Variants in CCDC171 observed in about 807,000 individuals in gnomAD.
CCDC171 encodes the protein coiled-coil domain containing 171.
In CCDC171, 177 loss-of-function variants were observed where a neutral mutation model predicts 168.2. The ratio of observed to expected loss-of-function variants is 1.05; its 90% CI spans 0.93 to 1.19. The LOEUF is 1.19. CCDC171 is among the 50% of genes most tolerant of loss of function. The pLI, the probability that CCDC171 is intolerant of heterozygous loss-of-function variation, is 0.00. For missense variants in CCDC171, 1,991 were observed against 1,539.0 expected (o/e 1.29, Z -4.91); for synonymous variants, 687 against 540.8 (o/e 1.27, Z -3.75).
chr9:16,053,948 G>A lies in CCDC171; in HGVS notation n.90-6698G>A, dbSNP rs147764840. On this transcript the variant is annotated intron_variant and non_coding_transcript_variant, in intron 1 of 1. Transcript: ENST00000478913. ...TCTTGCCCCGTTAGCACTCTCCTTC[G>A]AGCCTCAGAACTGAGCCAGTCTTTG... Among the ~76,000 whole-genome samples the A allele has an allele frequency of 3.9e-4, 59 of 152,276 alleles. No homozygotes were observed. In the East Asian group the frequency reaches 0.01, roughly 27 times the overall value.
chr9:16,033,403 G>T (rs1833400667), intron 6 of CCDC171, among the ~76,000 whole-genome samples: 1 of 152,180 alleles, frequency 6.6e-6, no homozygotes, highest in Non-Finnish European at 1.5e-5. Flanking sequence ...CAGAACAGCA[G>T]CGGCATTAGA....
At chr9:15,589,112 G>T (rs1209364433) in intron 4 of CCDC171, among the ~76,000 whole-genome samples, 1 of 152,002 alleles carries the variant, frequency 6.6e-6, no homozygotes, top group Non-Finnish European at 1.5e-5. Flanking sequence ...GTGGATTGAT[G>T]GGGGGAAAAC....
chr9:15,942,851 C>T (rs1355497386), intron 25 of CCDC171, among the ~76,000 whole-genome samples: 1 of 151,602 alleles, frequency 6.6e-6, no homozygotes, highest in East Asian at 1.9e-4. Context: ...AAACTATGAC[C>T]AAATGCTCCT....
chr9:15,632,270 C>A (rs1370568752), intron 7 of CCDC171, among the ~76,000 whole-genome samples: 1 of 150,856 alleles, frequency 6.6e-6, no homozygotes, highest in Non-Finnish European at 1.5e-5. Flanking sequence ...ATCTAGAAAA[C>A]CCCATCGTCT....
chr9:15,573,619 G>A (rs978653056), intron 3 of CCDC171, among the ~76,000 whole-genome samples: 6 of 137,816 alleles, frequency 4.4e-5, no homozygotes, highest in African/African-American at 1.6e-4. Context: ...TGAAGTAATT[G>A]CTTCTATTTA....
At chr9:16,067,447 G>A in the CCDC171 span, among the ~76,000 whole-genome samples, 2 of 152,076 alleles carry the variant, frequency 1.3e-5, no homozygotes, top group African/African-American at 4.8e-5. Context: ...CTTTTGCTGT[G>A]CAGAAGCTCT....
At chr9:15,716,999 C>CA (rs750628659) in intron 11 of CCDC171, among the ~76,000 whole-genome samples, 6 of 151,486 alleles carry the variant, frequency 4.0e-5, no homozygotes, top group South Asian at 2.1e-4. Context: ...GTTACGTAGG[C>CA]AAAAAAAACC....
In CCDC171 at chr9:15,723,621, A is replaced by G. The variant is rs187236939; in HGVS notation, c.1426-60A>G. The G allele has an allele frequency of 2.3e-4, 291 of 1,263,736 alleles. 1 individual carries two copies. In the African/African-American group the frequency reaches 3.8e-3, roughly 16 times the overall value. 78.3% of individuals were successfully genotyped at this position (1,263,736 alleles called of 1,614,324 possible). A position where few individuals can be genotyped will look rare whatever the true frequency, so the allele number is the denominator to read the frequency against. The stretch of plus-strand genomic sequence containing the variant: ...AACTTTTGAGTTACCCATCCTTGAA[A>G]AATGTAAAAAAGTTACTTATATTTT... On this transcript the variant is annotated intron_variant, in intron 12 of 25. Transcript: ENST00000380701.
chr9:15,622,584 A>G (rs1327378097), intron 6 of CCDC171, among the ~76,000 whole-genome samples: 1 of 152,194 alleles, frequency 6.6e-6, no homozygotes, highest in Non-Finnish European at 1.5e-5. Flanking sequence ...CAATGAATCT[A>G]GATTAGTTAC....
intron 7 of CCDC171, among the ~76,000 whole-genome samples, chr9:15,651,097 T>C (rs2047477957): frequency 6.6e-6 from 1 of 151,844 alleles, no homozygotes; most frequent in African/African-American, 2.4e-5. Flanking sequence ...TTTACTTTTA[T>C]TTTTTAATTT....
At chr9:15,606,386 T>G (rs956259815) in intron 6 of CCDC171, among the ~76,000 whole-genome samples, 4 of 152,222 alleles carry the variant, frequency 2.6e-5, no homozygotes, top group African/African-American at 9.6e-5. Context: ...TGTTTCATTT[T>G]CAAGCTTATG....
intron 7 of CCDC171, among the ~76,000 whole-genome samples, chr9:15,651,848 GTTTA>G (rs569098588): frequency 3.4e-3 from 507 of 151,152 alleles, no homozygotes; most frequent in African/African-American, 0.011. Flanking sequence ...TTGTTTGTTT[GTTTA>G]TTTATGCTTG....
chr9:16,034,772 G>C (rs1286556704), intron 6 of CCDC171, among the ~76,000 whole-genome samples: 1 of 152,196 alleles, frequency 6.6e-6, no homozygotes, highest in Non-Finnish European at 1.5e-5. Context: ...CTGGATCTCA[G>C]ATTGGCACTA....
intron 18 of CCDC171, among the ~76,000 whole-genome samples, chr9:15,750,769 G>A (rs2055676803): frequency 6.6e-6 from 1 of 152,116 alleles, no homozygotes; most frequent in Admixed American, 6.6e-5. Flanking sequence ...GGTATTGATG[G>A]AACGTATCTC....
At chr9:15,970,157 A>G (rs1181905715) in intron 25 of CCDC171, among the ~76,000 whole-genome samples, 3 of 152,122 alleles carry the variant, frequency 2.0e-5, no homozygotes, top group Non-Finnish European at 4.4e-5. Context: ...ATCAAAGAAA[A>G]TTGCTGAACT....
chr9:15,923,369 T>G (rs894385911), intron 25 of CCDC171, among the ~76,000 whole-genome samples: 4 of 151,196 alleles, frequency 2.6e-5, no homozygotes, highest in South Asian at 2.1e-4. Context: ...GATGAATCTG[T>G]AGGACATTAT....
chr9:15,587,176 G>T lies in CCDC171; in HGVS notation c.353-4190G>T, dbSNP rs371280716. Among the ~76,000 whole-genome samples, 72 of 152,142 alleles carry T rather than the reference G, an allele frequency of 4.7e-4. 1 individual carries two copies. The highest frequency in any genetic ancestry group is 1.6e-3 in the African/African-American group (68 of 41,508). On this transcript the variant is annotated intron_variant, in intron 4 of 25. Transcript: ENST00000380701. Reference sequence around the variant, plus strand: ...CACCTGGATTTCTACACTCTATGCCGGATGTTGGAGGACTCTTTTGTGTAT... The same window carrying T: ...CACCTGGATTTCTACACTCTATGCCTGATGTTGGAGGACTCTTTTGTGTAT...
Position 15,779,066 on chromosome 9 carries a change from A to G in CCDC171, c.2997A>G (p.Glu999=). 1 of 1,605,964 alleles carries G rather than the reference A, an allele frequency of 6.2e-7. No individual in the cohort carries two copies. Residue 999 remains glutamate (E), a synonymous_variant, in exon 20 of 26, where the codon GAA becomes GAG. Coordinates refer to ENST00000380701, the MANE Select transcript of CCDC171 (RefSeq NM_173550.4). ...GCTCACTACGCTTAGAGGTCACAGA[A>G]TTCAAACGAAGTGTGAATGAAATGA... The part of the protein sequence containing the change: ...ERRSLRLEVT[E]FKRSVNEMKK...
chr9:15,947,973 C>T (rs1175222564), intron 25 of CCDC171, among the ~76,000 whole-genome samples: 1 of 150,324 alleles, frequency 6.7e-6, no homozygotes, highest in Non-Finnish European at 1.5e-5. Context: ...TATCCCTCCC[C>T]GCTGCCCCCA....
Sources: gnomAD v4.1 joint callset for allele counts (sites outside exome capture counted in the v4.1 genomes callset) on GRCh38, gnomAD v4.1.1 for gene constraint, MANE v1.5 for transcripts, NCBI Gene and HGNC (gene_info 2026-07-23, HGNC 2026-07-21) for gene names.